Variants in PDZRN4 observed in about 807,000 individuals in gnomAD.
PDZRN4 encodes the protein PDZ domain containing ring finger 4, also known as PDZ domain-containing RING finger protein 4.
Under a neutral mutation model 99.0 loss-of-function variants are expected in PDZRN4, and 70 were observed. The ratio of observed to expected loss-of-function variants is 0.71; its 90% CI spans 0.58 to 0.86. PDZRN4 has a LOEUF of 0.86. Ranked by LOEUF, PDZRN4 falls within the 40% of genes least tolerant of loss-of-function variation. PDZRN4 has a pLI of 0.00. For synonymous variants in PDZRN4, 551 were observed against 501.6 expected (o/e 1.10, Z -1.32); for missense variants, 1,474 against 1,331.2 (o/e 1.11, Z -1.67).
intron 3 of PDZRN4, among the ~76,000 whole-genome samples, chr12:41,239,056 A>G (rs1335299537): frequency 6.6e-6 from 1 of 152,210 alleles, no homozygotes; most frequent in Non-Finnish European, 1.5e-5. Context: ...AAGACATAGA[A>G]TCAACCTGAA....
chr12:41,418,419 C>T (rs1485014872), intron 3 of PDZRN4, among the ~76,000 whole-genome samples: 2 of 152,052 alleles, frequency 1.3e-5, no homozygotes, highest in Admixed American at 1.3e-4. Context: ...TACATCAAAA[C>T]AAGGAAGTAA....
chr12:41,338,493 ACAATT>A (rs140160849), intron 3 of PDZRN4, among the ~76,000 whole-genome samples: 6,967 of 152,098 alleles, frequency 0.046, 490 homozygotes, highest in African/African-American at 0.16. Context: ...ATTTTTAAAA[ACAATT>A]CAAAAGATCA....
rs1951274515 is a variant in PDZRN4 at position 41,266,075 on chromosome 12, G to A, written c.843+71887G>A. ...GCCTGTAATCCCAGCACTTTGGGAG[G>A]CCGAGGCGGGCGGATCACGAGGTCA... On this transcript the variant is annotated intron_variant, in intron 3 of 9. Transcript: ENST00000402685. 1.7e-4 allele frequency among the ~76,000 whole-genome samples: 2 copies of A among 11,724 alleles called. 1 individual carries two copies. Among genetic ancestry groups the A allele is most frequent in the Non-Finnish European group, 4.6e-4 (2 of 4,324 alleles). 7.7% of individuals were successfully genotyped at this position (11,724 alleles called of 152,430 possible). A position where few individuals can be genotyped will look rare whatever the true frequency, so the allele number is the denominator to read the frequency against.
chr12:41,348,023 G>T (rs1951867212), intron 3 of PDZRN4, among the ~76,000 whole-genome samples: 2 of 152,084 alleles, frequency 1.3e-5, no homozygotes, highest in African/African-American at 4.8e-5. Context: ...ATATGAAAAG[G>T]ACCACATGAA....
chr12:41,302,794 A>C (rs1268485288), intron 3 of PDZRN4, among the ~76,000 whole-genome samples: 1 of 152,124 alleles, frequency 6.6e-6, no homozygotes, highest in Non-Finnish European at 1.5e-5. Flanking sequence ...TCCCCCATCC[A>C]TAATGGATGA....
chr12:41,346,474 TAAAATAAAATA>T (rs1951855945), intron 3 of PDZRN4, among the ~76,000 whole-genome samples: 1 of 151,732 alleles, frequency 6.6e-6, no homozygotes, highest in South Asian at 2.1e-4. Flanking sequence ...AAAATAAAAA[TAAAATAAAATA>T]AAAATAAAAA....
intron 3 of PDZRN4, among the ~76,000 whole-genome samples, chr12:41,377,256 G>A (rs1320552043): frequency 6.6e-6 from 1 of 152,020 alleles, no homozygotes; most frequent in Non-Finnish European, 1.5e-5. Context: ...CCATTTCTGT[G>A]AAAAATCTCA....
intron 3 of PDZRN4, among the ~76,000 whole-genome samples, chr12:41,236,546 A>G (rs1339999755): frequency 2.0e-5 from 3 of 152,076 alleles, no homozygotes; most frequent in Admixed American, 1.3e-4. Context: ...GAGATGAAGG[A>G]AAAGAGACTA....
intron 3 of PDZRN4, among the ~76,000 whole-genome samples, chr12:41,440,151 G>C (rs945441699): frequency 1.3e-5 from 2 of 152,096 alleles, no homozygotes; most frequent in Admixed American, 1.3e-4. Context: ...ATTTCTAGCT[G>C]TATATTAAAA....
At chr12:41,234,752 G>A (rs762716801) in intron 3 of PDZRN4, among the ~76,000 whole-genome samples, 2 of 152,130 alleles carry the variant, frequency 1.3e-5, no homozygotes, top group Admixed American at 6.6e-5. Flanking sequence ...AAGTTGGTTG[G>A]ATGAGAGCTG....
chr12:41,376,516 C>T (rs535681065), intron 3 of PDZRN4, among the ~76,000 whole-genome samples: 163 of 152,192 alleles, frequency 1.1e-3, no homozygotes, highest in African/African-American at 3.9e-3. Context: ...TACTGGCCAT[C>T]CATATGTCTT....
intron 3 of PDZRN4, among the ~76,000 whole-genome samples, chr12:41,416,953 G>A (rs1952450462): frequency 6.6e-6 from 1 of 152,088 alleles, no homozygotes; most frequent in African/African-American, 2.4e-5. Flanking sequence ...TAAATTTAGT[G>A]ATAAAAGCAT....
At chr12:41,231,191 A>G (rs1951027304) in intron 3 of PDZRN4, among the ~76,000 whole-genome samples, 1 of 152,116 alleles carries the variant, frequency 6.6e-6, no homozygotes, top group African/African-American at 2.4e-5. Flanking sequence ...TTAGGAGCTG[A>G]TTTAGACTTG....
At chr12:41,279,478 AT>A (rs1312299757) in intron 3 of PDZRN4, among the ~76,000 whole-genome samples, 1 of 152,184 alleles carries the variant, frequency 6.6e-6, no homozygotes, top group African/African-American at 2.4e-5. Context: ...GTATTTAAAG[AT>A]GGGTAGTAGT....
At chr12:41,371,854 G>A (rs1952044642) in intron 3 of PDZRN4, among the ~76,000 whole-genome samples, 1 of 152,044 alleles carries the variant, frequency 6.6e-6, no homozygotes, top group African/African-American at 2.4e-5. Flanking sequence ...TGTGAGATAT[G>A]CCGTCAATGT....
chr12:41,361,354 G>A (rs1465072), intron 3 of PDZRN4, among the ~76,000 whole-genome samples: 55,306 of 151,860 alleles, frequency 0.36, 10,158 homozygotes, highest in Non-Finnish European at 0.39. Context: ...AAAAGAACAT[G>A]ATTCCTGCCT....
chr12:41,332,810 C>T (rs1951749349), intron 3 of PDZRN4, among the ~76,000 whole-genome samples: 1 of 144,334 alleles, frequency 6.9e-6, no homozygotes, highest in Non-Finnish European at 1.5e-5. Flanking sequence ...ATAACAAAAA[C>T]AGTTTCTCCC....
intron 3 of PDZRN4, among the ~76,000 whole-genome samples, chr12:41,238,495 A>G (rs1482503593): frequency 1.3e-5 from 2 of 152,198 alleles, no homozygotes; most frequent in African/African-American, 4.8e-5. Context: ...TCTAATATCC[A>G]GAGTCTACAA....
chr12:41,542,289 G>A (rs2120771129), intron 5 of PDZRN4, among the ~76,000 whole-genome samples: 1 of 152,334 alleles, frequency 6.6e-6, no homozygotes, highest in African/African-American at 2.4e-5. Context: ...ATAGGGATTT[G>A]AGCCTCTCCA....
Sources: allele counts gnomAD v4.1 joint callset (sites outside exome capture counted in the v4.1 genomes callset), GRCh38; gene constraint gnomAD v4.1.1; transcripts MANE v1.5; gene names NCBI Gene and HGNC (gene_info 2026-07-23, HGNC 2026-07-21).